The following ZFHX3 variants were observed in gnomAD, a reference collection of about 807,000 sequenced individuals.
ZFHX3 encodes the protein zinc finger homeobox protein 3.
In ZFHX3, 42 loss-of-function variants were observed where a neutral mutation model predicts 279.1. The observed-to-expected ratio is 0.15, with a 90% CI of 0.12 to 0.19. ZFHX3 has a LOEUF of 0.19. ZFHX3 is among the 10% of genes least tolerant of loss of function. The probability of loss-of-function intolerance (pLI) is 1.00; values close to 1 mark genes in which losing one functional copy is unlikely to be tolerated. For missense variants in ZFHX3, 4,981 were observed against 4,754.0 expected (o/e 1.05, Z -1.40); for synonymous variants, 2,293 against 1,957.8 (o/e 1.17, Z -4.52).
chr16:73,153,378 G>A (rs956533528), intron 5 of ZFHX3, among the ~76,000 whole-genome samples: 3 of 152,118 alleles, frequency 2.0e-5, no homozygotes, highest in African/African-American at 7.2e-5. Context: ...TCCTGCCTCC[G>A]TCTCCCAAAG....
intron 1 of ZFHX3, among the ~76,000 whole-genome samples, chr16:73,036,691 G>A (rs1329322500): frequency 2.0e-5 from 3 of 152,136 alleles, no homozygotes; most frequent in African/African-American, 7.2e-5. Context: ...CCCTCCCGGC[G>A]CTTTGATCCC....
intron 1 of ZFHX3, among the ~76,000 whole-genome samples, chr16:73,890,334 A>G (rs1460103236): frequency 2.0e-5 from 3 of 151,898 alleles, no homozygotes; most frequent in Non-Finnish European, 4.4e-5. Context: ...CAAAATAGCC[A>G]AAAGGGGTAG....
intron 3 of ZFHX3, among the ~76,000 whole-genome samples, chr16:73,344,898 T>A (rs2143267783): frequency 6.6e-6 from 1 of 152,300 alleles, no homozygotes; most frequent in South Asian, 2.1e-4. Context: ...TGCTCACAGA[T>A]CTTTGAGAGT....
intron 4 of ZFHX3, among the ~76,000 whole-genome samples, chr16:73,262,583 G>C (rs752260387): frequency 9.9e-4 from 151 of 152,306 alleles, no homozygotes; most frequent in Non-Finnish European, 1.7e-3. Context: ...AAAAGGGCTT[G>C]AGGAGACAAA....
chr16:73,247,028 A>G (rs1283097181), intron 5 of ZFHX3, among the ~76,000 whole-genome samples: 1 of 152,184 alleles, frequency 6.6e-6, no homozygotes, highest in African/African-American at 2.4e-5. Context: ...GTGTGTGTAT[A>G]TAATGTGCAT....
intron 1 of ZFHX3, among the ~76,000 whole-genome samples, chr16:73,884,579 T>C (rs1167521091): frequency 6.6e-6 from 1 of 152,198 alleles, no homozygotes; most frequent in East Asian, 1.9e-4. Context: ...TGAGTACCAG[T>C]GGTGTTTCCA....
At chr16:73,647,555 T>G (rs1051028333) in intron 2 of ZFHX3, among the ~76,000 whole-genome samples, 2 of 152,204 alleles carry the variant, frequency 1.3e-5, no homozygotes, top group African/African-American at 4.8e-5. Context: ...CCAGTCATGC[T>G]TCCTGTTAAG....
intron 2 of ZFHX3, among the ~76,000 whole-genome samples, chr16:73,526,486 T>G (rs1382539635): frequency 2.0e-5 from 3 of 152,356 alleles, no homozygotes; most frequent in Admixed American, 2.0e-4. Context: ...TAGCTTAGTT[T>G]TAAAACCTAT....
chr16:73,144,677 A>G (rs1310318869), intron 5 of ZFHX3, among the ~76,000 whole-genome samples: 2 of 152,164 alleles, frequency 1.3e-5, no homozygotes, highest in Non-Finnish European at 2.9e-5. Flanking sequence ...AATGCAGAAG[A>G]CATTCCCTAA....
At chr16:73,485,811 T>A (rs919732449) in intron 2 of ZFHX3, among the ~76,000 whole-genome samples, 3 of 152,198 alleles carry the variant, frequency 2.0e-5, no homozygotes, top group Non-Finnish European at 2.9e-5. Context: ...GCTTAGATAC[T>A]ACTTCCCCCA....
intron 4 of ZFHX3, among the ~76,000 whole-genome samples, chr16:72,835,748 C>T (rs2037176644): frequency 6.6e-6 from 1 of 152,010 alleles, no homozygotes. Flanking sequence ...TCCTCTAACT[C>T]CTGTGTAGGT....
intron 7 of ZFHX3, among the ~76,000 whole-genome samples, chr16:73,122,270 A>G (rs759897508): frequency 6.6e-5 from 10 of 151,828 alleles, no homozygotes; most frequent in Non-Finnish European, 1.3e-4. Context: ...CAGTGACGCA[A>G]TCTCGGCTCA....
chr16:73,103,247 A>G (rs1597157331), intron 7 of ZFHX3, among the ~76,000 whole-genome samples: 1 of 152,042 alleles, frequency 6.6e-6, no homozygotes, highest in East Asian at 1.9e-4. Flanking sequence ...AAAGGTCTCT[A>G]CTGGCTCCCA....
chr16:72,832,802 C>G (rs1184171850), intron 4 of ZFHX3, among the ~76,000 whole-genome samples: 1 of 152,244 alleles, frequency 6.6e-6, no homozygotes, highest in African/African-American at 2.4e-5. Flanking sequence ...TCTGGACCGC[C>G]TAACCTGAGC....
intron 5 of ZFHX3, among the ~76,000 whole-genome samples, chr16:73,217,304 A>T (rs1266346680): frequency 6.6e-6 from 1 of 152,188 alleles, no homozygotes; most frequent in Non-Finnish European, 1.5e-5. Flanking sequence ...TGCCTCAGCA[A>T]CACCTGGAGA....
At chr16:73,176,849 C>G (rs569699551) in intron 5 of ZFHX3, among the ~76,000 whole-genome samples, 1 of 152,040 alleles carries the variant, frequency 6.6e-6, no homozygotes, top group South Asian at 2.1e-4. Flanking sequence ...AGAACAAGCA[C>G]AAGGCTTGCA....
At chr16:72,819,337 G>A (rs1376215501) in intron 5 of ZFHX3, among the ~76,000 whole-genome samples, 1 of 151,982 alleles carries the variant, frequency 6.6e-6, no homozygotes, top group East Asian at 1.9e-4. Flanking sequence ...CCCAGCAAGG[G>A]CTCAGGACTT....
chr16:73,452,393 T>C (rs2018293300), intron 3 of ZFHX3, among the ~76,000 whole-genome samples: 1 of 152,160 alleles, frequency 6.6e-6, no homozygotes, highest in Non-Finnish European at 1.5e-5. Flanking sequence ...CACCTTTTTA[T>C]TTTAATTTTT....
At chr16:73,812,450 C>A (rs893647582) in intron 1 of ZFHX3, among the ~76,000 whole-genome samples, 2 of 152,134 alleles carry the variant, frequency 1.3e-5, no homozygotes, top group South Asian at 4.1e-4. Flanking sequence ...GAAAGTCTTG[C>A]AAACTGACTG....
Sources: gnomAD v4.1 joint callset for allele counts (sites outside exome capture counted in the v4.1 genomes callset) on GRCh38, gnomAD v4.1.1 for gene constraint, MANE v1.5 for transcripts, NCBI Gene and HGNC (gene_info 2026-07-23, HGNC 2026-07-21) for gene names.